Variants in ZNF428 observed in about 807,000 individuals in gnomAD.
The protein encoded by ZNF428 is enzyme-like protein PIT13.
ZNF428 carries 5 observed loss-of-function variants against 15.6 expected under a neutral mutation model. The ratio of observed to expected loss-of-function variants is 0.32; its 90% CI spans 0.17 to 0.67. The LOEUF (loss-of-function observed/expected upper bound fraction) is 0.67, where lower values mean the gene tolerates loss of function less well. ZNF428 is among the 30% of genes least tolerant of loss of function. The probability of loss-of-function intolerance (pLI) is 0.73; values close to 1 mark genes in which losing one functional copy is unlikely to be tolerated. For synonymous variants in ZNF428, 97 were observed against 102.2 expected, an observed-to-expected ratio of 0.95 and a Z score of 0.31; for missense variants, 237 against 256.0, an observed-to-expected ratio of 0.93 and a Z score of 0.51.
rs773898434 is a variant in ZNF428 at position 43,612,461 on chromosome 19, C to T, written c.76+1768G>A. 1.2e-4 allele frequency: 190 copies of T among 1,551,372 alleles called. No homozygotes were observed. In the Middle Eastern group the frequency reaches 1.7e-3, roughly 14 times the overall value. ...GGCCAGCGACGTGAGATGCCACCAG[C>T]GGAGGGGCACACACAGCCGGGGTAG... On this transcript the variant is annotated intron_variant, in intron 2 of 2. Coordinates refer to ENST00000300811, the MANE Select transcript of ZNF428 (RefSeq NM_182498.4). The surrounding 1 kb of genome is among the most constrained non-coding windows in gnomAD (Gnocchi z 4.2).
intron 1 of ZNF428, among the ~76,000 whole-genome samples, chr19:43,615,445 A>ATCCC (rs940660789): frequency 6.6e-6 from 1 of 151,888 alleles, no homozygotes; most frequent in African/African-American, 2.4e-5. Context: ...CATGCCTGTA[A>ATCCC]TCCCAGCACT....
In ZNF428 at chr19:43,612,844, G is replaced by A. The variant is rs1973317268; in HGVS notation, c.76+1385C>T. 6.4e-7 allele frequency: 1 copy of A among 1,551,704 alleles called. No homozygotes were observed. The highest frequency in any genetic ancestry group is 8.7e-7 in the Non-Finnish European group (1 of 1,147,010). ...ACCCATCTCCATCCTCATCAAGGAAGGTGAAGAGCTACGGTCAGATGATCA... is the reference window on the plus strand; with the variant it reads ...ACCCATCTCCATCCTCATCAAGGAAAGTGAAGAGCTACGGTCAGATGATCA... On this transcript the variant is annotated intron_variant, in intron 2 of 2. Transcript: ENST00000300811. The surrounding 1 kb of genome is among the most constrained non-coding windows in gnomAD (Gnocchi z 4.2).
In ZNF428 at chr19:43,607,605, TG is replaced by T; in HGVS notation, c.*11del. Reference sequence around the variant, plus strand: ...CACCCCTTCTGCCAAGCTCCCCGTATGGGGGCTCTGCCTACACCTCACCCCG... The same window carrying T: ...CACCCCTTCTGCCAAGCTCCCCGTATGGGGCTCTGCCTACACCTCACCCCG... On this transcript the variant is annotated 3_prime_UTR_variant, in exon 3 of 3. Transcript: ENST00000300811. The surrounding 1 kb of genome is among the most constrained non-coding windows in gnomAD (Gnocchi z 5.1). 6.4e-7 allele frequency: 1 copy of T among 1,550,496 alleles called. No individual in the cohort carries two copies. The highest frequency in any genetic ancestry group is 1.2e-5 in the South Asian group (1 of 82,996).
At position 43,614,445 on chromosome 19, in the gene ZNF428, G is replaced by A; in HGVS notation, c.-130-11C>T. The stretch of plus-strand genomic sequence containing the variant: ...AGGTAGAGAGGGATGCTGGATAGGG[G>A]GAAAGGAAAGACCTGTGATGATTCA... On this transcript the variant is annotated splice_polypyrimidine_tract_variant and intron_variant, in intron 1 of 2. Transcript: ENST00000300811. The A allele has an allele frequency of 2.1e-6, 3 of 1,442,418 alleles. No homozygotes were observed. The highest frequency in any genetic ancestry group is 9.1e-7 in the Non-Finnish European group (1 of 1,102,366). 89.4% of individuals were successfully genotyped at this position (1,442,418 alleles called of 1,614,324 possible).
chr19:43,613,004 C>G (rs1973320268), intron 2 of ZNF428: 1 of 1,551,644 alleles, frequency 6.4e-7, no homozygotes, highest in African/African-American at 1.4e-5. Context: ...AAGTGGCAGT[C>G]AGAAGAGGAC....
chr19:43,612,334 A>G lies in ZNF428; in HGVS notation c.76+1895T>C, dbSNP rs1973306892. ...AGTCCACCAAATCGACCAGTACAAAAAGAGCCCCTTCTAACCGGCCCAGCA... is the reference window on the plus strand; with the variant it reads ...AGTCCACCAAATCGACCAGTACAAAGAGAGCCCCTTCTAACCGGCCCAGCA... On this transcript the variant is annotated intron_variant, in intron 2 of 2. Coordinates refer to ENST00000300811, the MANE Select transcript of ZNF428 (RefSeq NM_182498.4). This position sits in a 1 kb window ranked among gnomAD's most constrained non-coding sequence, Gnocchi z 4.2. 6.4e-7 allele frequency: 1 copy of G among 1,551,674 alleles called. No homozygotes were observed. The highest frequency in any genetic ancestry group is 2.0e-5 in the Admixed American group (1 of 50,982).
At chr19:43,613,372 A>T in intron 2 of ZNF428, 1 of 1,549,992 alleles carries the variant, frequency 6.5e-7, no homozygotes, top group South Asian at 1.2e-5. Context: ...GCCGATCTAG[A>T]AGTCCCTACA....
intron 1 of ZNF428, among the ~76,000 whole-genome samples, chr19:43,615,042 G>A (rs1053631006): frequency 6.6e-6 from 1 of 152,086 alleles, no homozygotes; most frequent in African/African-American, 2.4e-5. Context: ...GGAGCGGGAC[G>A]GATACCAGGC....
At chr19:43,611,470 C>T (rs1158052635) in intron 2 of ZNF428, among the ~76,000 whole-genome samples, 1 of 152,114 alleles carries the variant, frequency 6.6e-6, no homozygotes, top group East Asian at 1.9e-4. Flanking sequence ...CAAGCGTGTG[C>T]TATCACACCT....
In ZNF428 at chr19:43,614,010, G is replaced by A. The variant is rs778334799; in HGVS notation, c.76+219C>T. ...ACCCCCAGCAAAGAAGGAAATCATA[G>A]CCAATCTAGAACCTCTAGCAAGGAG... is the stretch of plus-strand genomic sequence containing the variant. On this transcript the variant is annotated intron_variant, in intron 2 of 2. Coordinates refer to ENST00000300811, the MANE Select transcript of ZNF428 (RefSeq NM_182498.4). 47 of 1,551,618 alleles carry A rather than the reference G, an allele frequency of 3.0e-5. No homozygotes were observed. In the South Asian group the frequency reaches 5.6e-4, roughly 18 times the overall value.
intron 1 of ZNF428, among the ~76,000 whole-genome samples, chr19:43,619,137 G>A (rs1396500838): frequency 6.6e-6 from 1 of 152,180 alleles, no homozygotes; most frequent in African/African-American, 2.4e-5. Flanking sequence ...CTTCCACTAC[G>A]GGACAATAAC....
chr19:43,609,070 A>G (rs1278721249), intron 2 of ZNF428, among the ~76,000 whole-genome samples: 2 of 152,160 alleles, frequency 1.3e-5, no homozygotes, highest in Non-Finnish European at 2.9e-5. Context: ...ACCAGTAACA[A>G]CAGCATCCTT....
chr19:43,607,569 T>G lies in ZNF428; in HGVS notation c.*48A>C. The G allele has an allele frequency of 3.1e-5, 35 of 1,112,854 alleles. No homozygotes were observed. The highest frequency in any genetic ancestry group is 4.2e-5 in the Non-Finnish European group (34 of 803,104). 68.9% of individuals were successfully genotyped at this position (1,112,854 alleles called of 1,614,324 possible). ...CACAACCCCAATTTCCTCAGCCCCCTCCTCCCACCCCACCCCTTCTGCCAA... is the reference window on the plus strand; with the variant it reads ...CACAACCCCAATTTCCTCAGCCCCCGCCTCCCACCCCACCCCTTCTGCCAA... On this transcript the variant is annotated 3_prime_UTR_variant, in exon 3 of 3. Coordinates refer to ENST00000300811, the MANE Select transcript of ZNF428 (RefSeq NM_182498.4). The surrounding 1 kb of genome is among the most constrained non-coding windows in gnomAD (Gnocchi z 5.1).
chr19:43,607,738 C>A lies in ZNF428; in HGVS notation c.446G>T (p.Arg149Leu). The change falls in exon 3 of 3, where the codon CGG becomes CTG. Residue 149 changes from arginine (R) to leucine (L), a missense_variant. Arg to Leu is a moderately radical substitution (Grantham distance 102). Transcript: ENST00000300811. The surrounding 1 kb of genome is among the most constrained non-coding windows in gnomAD (Gnocchi z 5.1). ...CTCCTCCTCTTCCTCCTCCTCCTCC[C>A]GCCCAGCTGGTCGGCCCTCCCCAGC... ...PRAGEGRPAG[R>L]EEEEEEEEEG... is the part of the protein sequence containing the mutation. The A allele has an allele frequency of 6.2e-7, 1 of 1,611,862 alleles. No individual in the cohort carries two copies. The highest frequency in any genetic ancestry group is 1.7e-5 in the Admixed American group (1 of 59,700).
At chr19:43,614,497 C>CA in intron 1 of ZNF428, 63 bp from the exon 2 acceptor site, 1 of 1,402,048 alleles carries the variant, frequency 7.1e-7, no homozygotes, top group East Asian at 2.5e-5. Flanking sequence ...CACCCATCCC[C>CA]ACCAAGCCCA....
rs1031268481 is a variant in ZNF428, at chr19:43,612,534, G to C, written c.76+1695C>G. 1 of 1,551,452 alleles carries C rather than the reference G, an allele frequency of 6.4e-7. No homozygotes were observed. Among genetic ancestry groups the C allele is most frequent in the Non-Finnish European group, 8.7e-7 (1 of 1,146,976 alleles). ...CGCAGCTCCAAGAGGTCACCCAGCA[G>C]GGCCAGCACTCCTGGCAGGATAAGA... On this transcript the variant is annotated intron_variant, in intron 2 of 2. Coordinates refer to ENST00000300811, the MANE Select transcript of ZNF428 (RefSeq NM_182498.4). This position sits in a 1 kb window ranked among gnomAD's most constrained non-coding sequence, Gnocchi z 4.2.
chr19:43,607,457 T>G lies in ZNF428; in HGVS notation c.*160A>C. ...CACACTCTGAACCAACACACACAGATACAGATTTTGGCTTTTATTCTGGCC... is the reference window on the plus strand; with the variant it reads ...CACACTCTGAACCAACACACACAGAGACAGATTTTGGCTTTTATTCTGGCC... On this transcript the variant is annotated 3_prime_UTR_variant, in exon 3 of 3. Coordinates refer to ENST00000300811, the MANE Select transcript of ZNF428 (RefSeq NM_182498.4). The surrounding 1 kb of genome is among the most constrained non-coding windows in gnomAD (Gnocchi z 5.1). 1 of 866,328 alleles carries G rather than the reference T, an allele frequency of 1.2e-6. No individual in the cohort carries two copies. Among genetic ancestry groups the G allele is most frequent in the Non-Finnish European group, 1.7e-6 (1 of 584,452 alleles). The allele number at this position is 866,328 out of a possible 1,614,324, so 53.7% of individuals were successfully genotyped here.
intron 1 of ZNF428, among the ~76,000 whole-genome samples, chr19:43,618,025 C>CTTTTTT (rs35170127): frequency 5.4e-5 from 3 of 55,356 alleles, no homozygotes; most frequent in Non-Finnish European, 9.0e-5. Flanking sequence ...CCATGCCCGG[C>CTTTTTT]TTTTTTTTTT....
chr19:43,608,119 C>A lies in ZNF428; in HGVS notation c.77-12G>T. ...GGAATGCTCGGGGCCTGGAGGGGGA[C>A]AGACAGGGGAAGACAGTGGTATCAG... On this transcript the variant is annotated splice_polypyrimidine_tract_variant and intron_variant, in intron 2 of 2. Coordinates refer to ENST00000300811, the MANE Select transcript of ZNF428 (RefSeq NM_182498.4). 1 of 1,605,386 alleles carries A rather than the reference C, an allele frequency of 6.2e-7. No homozygotes were observed. The highest frequency in any genetic ancestry group is 8.5e-7 in the Non-Finnish European group (1 of 1,175,608).
Sources: allele counts gnomAD v4.1 joint callset (sites outside exome capture counted in the v4.1 genomes callset), GRCh38; gene constraint gnomAD v4.1.1; non-coding constraint Gnocchi (gnomAD v3.1); transcripts MANE v1.5; gene names NCBI Gene and HGNC (gene_info 2026-07-23, HGNC 2026-07-21).